The following MAP2K6 variants were observed in gnomAD, a reference collection of about 807,000 sequenced individuals.
MAP2K6 encodes dual specificity mitogen-activated protein kinase kinase 6.
Under a neutral mutation model 53.7 loss-of-function variants are expected in MAP2K6, and 16 were observed. The ratio of observed to expected loss-of-function variants is 0.30; its 90% CI spans 0.20 to 0.45. The LOEUF (loss-of-function observed/expected upper bound fraction) is 0.45, where lower values mean the gene tolerates loss of function less well. Ranked by LOEUF, MAP2K6 falls within the 20% of genes least tolerant of loss-of-function variation. MAP2K6 has a pLI of 1.00. For synonymous variants in MAP2K6, 132 were observed against 143.1 expected, an observed-to-expected ratio of 0.92 and a Z score of 0.55; for missense variants, 204 against 411.9, an observed-to-expected ratio of 0.50 and a Z score of 4.37.
intron 11 of MAP2K6, among the ~76,000 whole-genome samples, chr17:69,540,736 C>T (rs573047315): frequency 6.6e-6 from 1 of 152,304 alleles, no homozygotes; most frequent in African/African-American, 2.4e-5. Context: ...TCTTTAATCT[C>T]CGAGTTCAGT....
chr17:69,475,203 G>C (rs901390583), intron 1 of MAP2K6, among the ~76,000 whole-genome samples: 162 of 120,732 alleles, frequency 1.3e-3, no homozygotes, highest in African/African-American at 5.1e-3. Context: ...GAGTCTCACT[G>C]TGTCTCCCAG....
intron 1 of MAP2K6, among the ~76,000 whole-genome samples, chr17:69,493,613 A>G (rs1202283743): frequency 1.3e-5 from 2 of 151,832 alleles, no homozygotes; most frequent in Non-Finnish European, 2.9e-5. Flanking sequence ...ATACAAAAAT[A>G]AGCTGGGCAT....
intron 2 of MAP2K6, 133 bp from the exon 3 acceptor site, chr17:69,516,722 T>C (rs564859273): frequency 1.5e-6 from 1 of 646,484 alleles, no homozygotes; most frequent in South Asian, 2.0e-5. Flanking sequence ...TTCACACTCA[T>C]AGGCTGCTTT....
rs962816020 is a variant in MAP2K6, at chr17:69,526,250, C to T, written c.742-320C>T. 3.9e-5 allele frequency among the ~76,000 whole-genome samples: 6 copies of T among 152,202 alleles called. 1 individual carries two copies. In the East Asian group the frequency reaches 9.6e-4, roughly 24 times the overall value. On this transcript the variant is annotated intron_variant, in intron 9 of 11. Transcript: ENST00000590474. ...TGTCAGACCAAACGTTTGAAATCCT[C>T]GTAGCTTTACATCCTGAAGTTTAAT...
intron 1 of MAP2K6, chr17:69,485,237 C>T (rs1440407231): frequency 6.6e-6 from 1 of 152,082 alleles, no homozygotes; most frequent in Non-Finnish European, 1.5e-5. Context: ...ATACTCACAT[C>T]TCATACTCAC....
intron 1 of MAP2K6, among the ~76,000 whole-genome samples, chr17:69,479,575 T>G (rs999207196): frequency 3.9e-5 from 6 of 152,162 alleles, no homozygotes; most frequent in Non-Finnish European, 2.9e-5. Context: ...TCAGATAAAG[T>G]ATATTCAATC....
At position 69,542,355 on chromosome 17, in the gene MAP2K6, A is replaced by T. The variant is rs1014997396; in HGVS notation, c.*602A>T. On this transcript the variant is annotated 3_prime_UTR_variant, in exon 12 of 12. Coordinates refer to ENST00000590474, the MANE Select transcript of MAP2K6 (RefSeq NM_002758.4). ...GCTCTTCTTGTGAAATGTCTGTTCC[A>T]GCTGTTGTGACTGCTGCCATTTTTG... is the stretch of plus-strand genomic sequence containing the variant. 1 of 152,668 alleles carries T rather than the reference A, an allele frequency of 6.6e-6. No individual in the cohort carries two copies. The highest frequency in any genetic ancestry group is 1.5e-5 in the Non-Finnish European group (1 of 68,048). The allele number at this position is 152,668 out of a possible 1,614,324, so 9.5% of individuals were successfully genotyped here.
chr17:69,457,916 A>G lies in MAP2K6; in HGVS notation c.16+42916A>G, dbSNP rs568262856. On this transcript the variant is annotated intron_variant, in intron 1 of 11. Transcript: ENST00000590474. ...TCTGCAGAAGATTCCTGTGCACATT[A>G]AAGTTCGGGAAGCACTGCTCTAGGC... is the stretch of plus-strand genomic sequence containing the variant. 2.6e-5 allele frequency among the ~76,000 whole-genome samples: 4 copies of G among 152,326 alleles called. No individual in the cohort carries two copies. In the South Asian group the frequency reaches 8.3e-4, roughly 32 times the overall value.
In MAP2K6 at chr17:69,449,536, T is replaced by C. The variant is rs1907107691; in HGVS notation, c.16+34536T>C. Among the ~76,000 whole-genome samples, 4 of 49,754 alleles carry C rather than the reference T, an allele frequency of 8.0e-5. No homozygotes were observed. The East Asian group carries it at 1.5e-3, about 19-fold the overall frequency. The allele number at this position is 49,754 out of a possible 152,430, so 32.6% of individuals were successfully genotyped here. On this transcript the variant is annotated intron_variant, in intron 1 of 11. Coordinates refer to ENST00000590474, the MANE Select transcript of MAP2K6 (RefSeq NM_002758.4). ...TTCTTTGTCTTTCTTTCTTTGTCTT[T>C]CTTTCTTTCTTTCTTTCTTTCTTTA...
At chr17:69,526,922 T>C (rs1034334445) in intron 10 of MAP2K6, among the ~76,000 whole-genome samples, 8 of 152,148 alleles carry the variant, frequency 5.3e-5, no homozygotes, top group African/African-American at 1.9e-4. Flanking sequence ...AAATGAATAA[T>C]TATAGTATAA....
chr17:69,420,535 T>C (rs2145125703), intron 1 of MAP2K6, among the ~76,000 whole-genome samples: 1 of 152,338 alleles, frequency 6.6e-6, no homozygotes, highest in Admixed American at 6.5e-5. Context: ...ATCCTGATAT[T>C]AAGTGATAGA....
rs1272126486 is a variant in MAP2K6, at chr17:69,543,221, G to A, written c.*1468G>A. Reference sequence around the variant, plus strand: ...TTGCTTTTGGACAAGGAAGGACAGAGGGTTTTGATTTTAAAAAGAAGAAAA... The same window carrying A: ...TTGCTTTTGGACAAGGAAGGACAGAAGGTTTTGATTTTAAAAAGAAGAAAA... On this transcript the variant is annotated 3_prime_UTR_variant, in exon 12 of 12. Transcript: ENST00000590474. 1 of 152,070 alleles carries A rather than the reference G, an allele frequency of 6.6e-6. No homozygotes were observed. The highest frequency in any genetic ancestry group is 2.4e-5 in the African/African-American group (1 of 41,422). The allele number at this position is 152,070 out of a possible 1,614,324, so 9.4% of individuals were successfully genotyped here. A position where few individuals can be genotyped will look rare whatever the true frequency, so the allele number is the denominator to read the frequency against.
At chr17:69,446,429 A>G (rs1283544399) in intron 1 of MAP2K6, among the ~76,000 whole-genome samples, 1 of 152,276 alleles carries the variant, frequency 6.6e-6, no homozygotes, top group African/African-American at 2.4e-5. Context: ...AGGCTAAATC[A>G]GAAGTAGGAC....
At chr17:69,470,051 A>C (rs1010039215) in intron 1 of MAP2K6, among the ~76,000 whole-genome samples, 5 of 152,030 alleles carry the variant, frequency 3.3e-5, no homozygotes, top group Admixed American at 6.6e-5. Flanking sequence ...AAAAAATCCA[A>C]AACGTTAGCT....
chr17:69,415,336 A>G (rs1905864789), intron 1 of MAP2K6, among the ~76,000 whole-genome samples: 1 of 152,230 alleles, frequency 6.6e-6, no homozygotes, highest in Non-Finnish European at 1.5e-5. Flanking sequence ...TACTATGCAC[A>G]GATATTGTAA....
At chr17:69,458,893 T>C (rs1003305044) in intron 1 of MAP2K6, among the ~76,000 whole-genome samples, 1 of 152,198 alleles carries the variant, frequency 6.6e-6, no homozygotes, top group Non-Finnish European at 1.5e-5. Flanking sequence ...CTCTCAAAAG[T>C]CACCAGGGAC....
At chr17:69,458,878 C>A (rs551688323) in intron 1 of MAP2K6, among the ~76,000 whole-genome samples, 32 of 152,338 alleles carry the variant, frequency 2.1e-4, no homozygotes, top group African/African-American at 7.2e-4. Context: ...TCCACCAAAA[C>A]TCTTCTCTCA....
chr17:69,471,333 A>C (rs754760277), intron 1 of MAP2K6, among the ~76,000 whole-genome samples: 1 of 152,194 alleles, frequency 6.6e-6, no homozygotes, highest in African/African-American at 2.4e-5. Flanking sequence ...ATGGAATACT[A>C]TACAGCCACA....
chr17:69,545,095 T>C lies in MAP2K6; in HGVS notation c.*3342T>C, dbSNP rs974347775. The stretch of plus-strand genomic sequence containing the variant: ...CTGGAGTTTTAGCATCATTGACTCT[T>C]TGTAAAACGCCATGTCATGGGCTCT... On this transcript the variant is annotated 3_prime_UTR_variant, in exon 12 of 12. Coordinates refer to ENST00000590474, the MANE Select transcript of MAP2K6 (RefSeq NM_002758.4). 6.6e-6 allele frequency: 1 copy of C among 152,198 alleles called. No homozygotes were observed. The highest frequency in any genetic ancestry group is 1.5e-5 in the Non-Finnish European group (1 of 68,044). 9.4% of individuals were successfully genotyped at this position (152,198 alleles called of 1,614,324 possible). A position where few individuals can be genotyped will look rare whatever the true frequency, so the allele number is the denominator to read the frequency against.
Sources: gnomAD v4.1 joint callset for allele counts (sites outside exome capture counted in the v4.1 genomes callset) on GRCh38, gnomAD v4.1.1 for gene constraint, MANE v1.5 for transcripts, NCBI Gene and HGNC (gene_info 2026-07-23, HGNC 2026-07-21) for gene names.